The following TRPS1 variants were observed in gnomAD, a reference collection of about 807,000 sequenced individuals.
TRPS1 encodes zinc finger transcription factor Trps1.
In TRPS1, 6 loss-of-function variants were observed where a neutral mutation model predicts 101.2. That is an observed-to-expected ratio of 0.06 (90% CI 0.03 to 0.12). The LOEUF (loss-of-function observed/expected upper bound fraction) is 0.12. Ranked by LOEUF, TRPS1 falls within the 10% of genes least tolerant of loss-of-function variation. The probability of loss-of-function intolerance (pLI) is 1.00; values close to 1 mark genes in which losing one functional copy is unlikely to be tolerated. For missense variants in TRPS1, 1,363 were observed against 1,567.0 expected, an observed-to-expected ratio of 0.87 and a Z score of 2.20; for synonymous variants, 578 against 589.8, an observed-to-expected ratio of 0.98 and a Z score of 0.29.
At chr8:115,493,756 G>A (rs1198974601) in intron 5 of TRPS1, among the ~76,000 whole-genome samples, 1 of 152,030 alleles carries the variant, frequency 6.6e-6, no homozygotes, top group Non-Finnish European at 1.5e-5. Context: ...TTAAAGATTT[G>A]CAATTTTATG....
intron 5 of TRPS1, among the ~76,000 whole-genome samples, chr8:115,420,284 C>T (rs57419301): frequency 0.011 from 1,697 of 152,236 alleles, 31 homozygotes; most frequent in African/African-American, 0.039. Flanking sequence ...CTGCTGCTTC[C>T]CCCAAAATCA....
At chr8:115,592,356 C>T (rs1168290276) in intron 4 of TRPS1, among the ~76,000 whole-genome samples, 1 of 152,162 alleles carries the variant, frequency 6.6e-6, no homozygotes, top group African/African-American at 2.4e-5. Context: ...CACAAGACAT[C>T]TCCTAACTCC....
intron 5 of TRPS1, among the ~76,000 whole-genome samples, chr8:115,462,639 CTCTT>C (rs1233110361): frequency 1.2e-4 from 9 of 75,728 alleles, no homozygotes; most frequent in African/African-American, 2.5e-4. Context: ...CTCTCTCTCT[CTCTT>C]TTTTTTTTTT....
At chr8:115,467,584 C>G (rs1364395733) in intron 5 of TRPS1, among the ~76,000 whole-genome samples, 1 of 152,010 alleles carries the variant, frequency 6.6e-6, no homozygotes, top group African/African-American at 2.4e-5. Context: ...GAATAAGACA[C>G]ATTTTTTAAA....
intron 5 of TRPS1, among the ~76,000 whole-genome samples, chr8:115,454,882 A>G (rs1813977525): frequency 6.6e-6 from 1 of 152,122 alleles, no homozygotes; most frequent in Non-Finnish European, 1.5e-5. Flanking sequence ...ATAGTAATTC[A>G]TTACTAGATT....
intron 5 of TRPS1, among the ~76,000 whole-genome samples, chr8:115,563,779 G>A (rs552197022): frequency 6.6e-6 from 1 of 152,104 alleles, no homozygotes; most frequent in Non-Finnish European, 1.5e-5. Context: ...GGTATTAGGT[G>A]TTATGATAAC....
rs370065254 is a variant in TRPS1 at position 115,619,395 on chromosome 8, A to C, written c.703T>G (p.Phe235Val). Reference protein sequence around the residue: ...PAPLSPELQDFKCNICGYGYY... With the variant: ...PAPLSPELQDVKCNICGYGYY... ...CCATATCCACAGATATTGCATTTAA[A>C]GTCCTGAAGCTCTGGAGACAGAGGT... Residue 235 changes from phenylalanine (F) to valine (V), a missense_variant, in exon 3 of 7, where the codon TTT becomes GTT. Phe to Val is a conservative substitution (Grantham distance 50). Transcript: ENST00000395715. 2 of 1,614,180 alleles carry C rather than the reference A, an allele frequency of 1.2e-6. No individual in the cohort carries two copies. The highest frequency in any genetic ancestry group is 1.7e-6 in the Non-Finnish European group (2 of 1,180,038).
At chr8:115,524,512 G>T (rs530461212) in intron 5 of TRPS1, among the ~76,000 whole-genome samples, 4 of 151,626 alleles carry the variant, frequency 2.6e-5, no homozygotes, top group Admixed American at 6.6e-5. Flanking sequence ...GTAGAGACAG[G>T]GTTTCACCAT....
Position 115,652,287 on chromosome 8 carries a change from G to A in TRPS1, c.-122+16258C>T, listed in dbSNP as rs751498733. On this transcript the variant is annotated intron_variant, in intron 1 of 6. Transcript: ENST00000395715. ...TACAGCAATGTCAACAAACAGAGGC[G>A]CCTTGGCAGATATCGCTTAGTTGAG... Among the ~76,000 whole-genome samples the A allele has an allele frequency of 6.6e-5, 10 of 152,266 alleles. No homozygotes were observed. In the South Asian group the frequency reaches 8.3e-4, roughly 13 times the overall value.
chr8:115,662,074 T>C (rs986221457), intron 1 of TRPS1, among the ~76,000 whole-genome samples: 5 of 152,002 alleles, frequency 3.3e-5, no homozygotes, highest in Admixed American at 2.0e-4. Context: ...TCCTAAAGTT[T>C]TTCCAAACAA....
chr8:115,542,496 G>A (rs1816477027), intron 5 of TRPS1, among the ~76,000 whole-genome samples: 2 of 151,708 alleles, frequency 1.3e-5, no homozygotes, highest in African/African-American at 4.8e-5. Flanking sequence ...AAGGAAGACT[G>A]AAAGGAAAAA....
chr8:115,495,243 G>A (rs988574335), intron 5 of TRPS1, among the ~76,000 whole-genome samples: 1 of 152,024 alleles, frequency 6.6e-6, no homozygotes, highest in African/African-American at 2.4e-5. Context: ...CTTTAAATTC[G>A]TTTTATAATT....
At chr8:115,512,118 C>G (rs1815600572) in intron 5 of TRPS1, among the ~76,000 whole-genome samples, 1 of 151,686 alleles carries the variant, frequency 6.6e-6, no homozygotes, top group African/African-American at 2.4e-5. Context: ...TTTCTATTTT[C>G]AGGGTTTTAT....
At chr8:115,541,321 A>T (rs1336365079) in intron 5 of TRPS1, among the ~76,000 whole-genome samples, 1 of 152,138 alleles carries the variant, frequency 6.6e-6, no homozygotes, top group Non-Finnish European at 1.5e-5. Flanking sequence ...TTTTCACCAC[A>T]GTGCAAAATT....
In TRPS1 at chr8:115,414,074, G is replaced by T; in HGVS notation, c.3834C>A (p.Gly1278=). ...KYDFTTHIQR[G]LHRNNAQVEK... ...CCACTTGTGCATTGTTCCTATGCAG[G>T]CCCCTCTGGATATGTGTTGTGAAGT... Residue 1278 remains glycine, a synonymous_variant, in exon 7 of 7, where the codon GGC becomes GGA. Coordinates refer to ENST00000395715, the MANE Select transcript of TRPS1 (RefSeq NM_014112.5). This position sits in a 1 kb window ranked among gnomAD's most constrained non-coding sequence, Gnocchi z 4.8. 1.9e-6 allele frequency: 3 copies of T among 1,613,690 alleles called. No individual in the cohort carries two copies. Among genetic ancestry groups the T allele is most frequent in the Non-Finnish European group, 2.5e-6 (3 of 1,179,828 alleles).
At chr8:115,588,716 G>C (rs1193553144) in intron 4 of TRPS1, among the ~76,000 whole-genome samples, 1 of 152,162 alleles carries the variant, frequency 6.6e-6, no homozygotes, top group Non-Finnish European at 1.5e-5. Context: ...CTACTTCCCT[G>C]ATATAACTTG....
intron 5 of TRPS1, among the ~76,000 whole-genome samples, chr8:115,497,948 T>C (rs1236813119): frequency 6.6e-6 from 1 of 151,946 alleles, no homozygotes; most frequent in East Asian, 1.9e-4. Context: ...ACATCAGGAA[T>C]GGAGAAATAT....
At chr8:115,610,264 T>C (rs983023831) in intron 3 of TRPS1, among the ~76,000 whole-genome samples, 2 of 152,168 alleles carry the variant, frequency 1.3e-5, no homozygotes, top group Non-Finnish European at 2.9e-5. Context: ...AAAAAATCAC[T>C]GTTCAAATAC....
At chr8:115,499,915 A>ATTTCTTTCTTTCTTTCTTTCTTTC (rs373053040) in intron 5 of TRPS1, among the ~76,000 whole-genome samples, 7 of 134,772 alleles carry the variant, frequency 5.2e-5, no homozygotes, top group African/African-American at 9.1e-5. Context: ...AAAGTGCTAA[A>ATTTCTTTCTTTCTTTCTTTCTTTC]TTTCTTTCTT....
Sources: allele counts gnomAD v4.1 joint callset (sites outside exome capture counted in the v4.1 genomes callset), GRCh38; gene constraint gnomAD v4.1.1; non-coding constraint Gnocchi (gnomAD v3.1); transcripts MANE v1.5; gene names NCBI Gene and HGNC (gene_info 2026-07-23, HGNC 2026-07-21).